ATM: variants seen among roughly 807,000 people sequenced by gnomAD.
ATM encodes the protein ATM serine/threonine kinase.
A neutral mutation model predicts 387.0 loss-of-function variants in ATM; 308 were observed. That is an observed-to-expected ratio of 0.80 (90% CI 0.73 to 0.87). The LOEUF (loss-of-function observed/expected upper bound fraction) is 0.87, where lower values mean the gene tolerates loss of function less well. ATM is among the 40% of genes least tolerant of loss of function. ATM has a pLI of 0.00. For missense variants in ATM, 3,312 were observed against 3,560.9 expected (o/e 0.93, Z 1.78); for synonymous variants, 1,156 against 1,187.3 (o/e 0.97, Z 0.54).
rs1060795 is a variant in ATM, at chr11:108,365,430, A to G, written c.9093A>G (p.Gln3031=). 1 of 1,614,234 alleles carries G rather than the reference A, an allele frequency of 6.2e-7. No homozygotes were observed. Among genetic ancestry groups the G allele is most frequent in the Non-Finnish European group, 8.5e-7 (1 of 1,180,040 alleles). ...EEGTVLSVGG[Q]VNLLIQQAID... is the part of the protein sequence containing the mutation. ...GCACTGTGCTCAGTGTTGGTGGACAAGTGAATTTGCTCATACAGCAGGCCA... is the reference window on the plus strand; with the variant it reads ...GCACTGTGCTCAGTGTTGGTGGACAGGTGAATTTGCTCATACAGCAGGCCA... Residue 3031 remains glutamine, a synonymous_variant, in exon 63 of 63, where the codon CAA becomes CAG. Transcript: ENST00000675843.
chr11:108,355,379 C>A (rs149694895), intron 61 of ATM: 1 of 173,722 alleles, frequency 5.8e-6, no homozygotes, highest in East Asian at 1.5e-4. Flanking sequence ...TGGGACAGCT[C>A]ACCTGAATAG....
At chr11:108,323,890 A>G (rs1033722290) in intron 45 of ATM, among the ~76,000 whole-genome samples, 3 of 152,194 alleles carry the variant, frequency 2.0e-5, no homozygotes, top group Non-Finnish European at 1.5e-5. Flanking sequence ...AAGCAGAGAT[A>G]AGAATTCATC....
chr11:108,353,930 C>T (rs1179853378), intron 60 of ATM, 50 bp downstream of exon 60: 1 of 1,519,302 alleles, frequency 6.6e-7, no homozygotes, highest in Non-Finnish European at 9.1e-7. Context: ...GTCAAAATTA[C>T]ATGGGCTGGG....
At chr11:108,321,221 C>CT (rs1044074566) in intron 44 of ATM, 80 bp from the exon 45 acceptor site, 1 of 1,580,516 alleles carries the variant, frequency 6.3e-7, no homozygotes, top group Non-Finnish European at 8.7e-7. Flanking sequence ...GATGAGAACT[C>CT]TTTAACAACA....
intron 46 of ATM, 35 bp downstream of exon 46, chr11:108,325,579 T>C: frequency 6.6e-7 from 1 of 1,508,650 alleles, no homozygotes; most frequent in Non-Finnish European, 9.1e-7. Flanking sequence ...ATCTTACCTC[T>C]TGACTTTCCT....
chr11:108,330,992 A>G (rs1161538938), intron 50 of ATM, among the ~76,000 whole-genome samples: 2 of 152,184 alleles, frequency 1.3e-5, no homozygotes, highest in African/African-American at 4.8e-5. Flanking sequence ...TTAGAGATAA[A>G]ATGTTTCTCC....
chr11:108,362,546 A>G (rs1274311434), intron 61 of ATM, among the ~76,000 whole-genome samples: 1 of 149,472 alleles, frequency 6.7e-6, no homozygotes, highest in African/African-American at 2.5e-5. Context: ...CTTGGAACCA[A>G]CCCAAATGTC....
At chr11:108,310,474 G>GAAT (rs1259990062) in intron 39 of ATM, among the ~76,000 whole-genome samples, 159 bp downstream of exon 39, 14 of 151,978 alleles carry the variant, frequency 9.2e-5, no homozygotes. Flanking sequence ...TTTTAAAAAG[G>GAAT]AATATGTAAT....
At chr11:108,290,630 T>G (rs2082731489) in intron 29 of ATM, 1 of 107,120 alleles carries the variant, frequency 9.3e-6, no homozygotes, top group African/African-American at 3.9e-5. Context: ...AGAGCGAGAC[T>G]CTTGTCTCAA....
At chr11:108,364,311 A>G (rs1488459834) in intron 61 of ATM, among the ~76,000 whole-genome samples, 1 of 152,202 alleles carries the variant, frequency 6.6e-6, no homozygotes, top group Non-Finnish European at 1.5e-5. Context: ...CATTTGCTAA[A>G]GCCTATTTTT....
chr11:108,262,149 C>T (rs1329440355), intron 16 of ATM, among the ~76,000 whole-genome samples: 8 of 152,126 alleles, frequency 5.3e-5, no homozygotes, highest in Non-Finnish European at 7.3e-5. Flanking sequence ...AAAGATACTC[C>T]TCGAGAAGAG....
In ATM at chr11:108,343,336, G is replaced by C. The variant is rs1565558417; in HGVS notation, c.8383G>C (p.Asp2795His). The C allele has an allele frequency of 6.2e-7, 1 of 1,613,998 alleles. No homozygotes were observed. Among genetic ancestry groups the C allele is most frequent in the Non-Finnish European group, 8.5e-7 (1 of 1,179,906 alleles). ...TGCTCATAAAAGATACAGGCCAAAT[G>C]ATTTCAGTGCCTTTCAGTGCCAAAA... Reference protein sequence around the residue: ...DGAHKRYRPNDFSAFQCQKKM... With the variant: ...DGAHKRYRPNHFSAFQCQKKM... Residue 2795 changes from aspartate (D) to histidine (H), a missense_variant, in exon 57 of 63, where the codon GAT becomes CAT. Physicochemically the swap from Asp to His is moderately conservative, Grantham distance 81. Around this residue, in one of 4 missense-constraint regions of ATM, gnomAD observed 1,405 missense variants for 1,604.4 expected, o/e 0.88. Coordinates refer to ENST00000675843, the MANE Select transcript of ATM (RefSeq NM_000051.4).
intron 16 of ATM, among the ~76,000 whole-genome samples, chr11:108,264,076 T>G (rs1591573001): frequency 6.6e-6 from 1 of 151,394 alleles, no homozygotes; most frequent in African/African-American, 2.4e-5. Flanking sequence ...GTACCATTCC[T>G]TCTGAAACTA....
rs1057521506 is a variant in ATM, at chr11:108,335,955, T to G, written c.8262T>G (p.Thr2754=). The stretch of plus-strand genomic sequence containing the variant: ...GGAAGAGGAAATTAACTATCTGTAC[T>G]TATAAGGTAACTATTTGTACTTCTG... ...ETRKRKLTIC[T]YKVVPLSQRS... Residue 2754 remains threonine (T), a synonymous_variant, in exon 56 of 63, where the codon ACT becomes ACG. Transcript: ENST00000675843. 1 of 1,602,216 alleles carries G rather than the reference T, an allele frequency of 6.2e-7. No homozygotes were observed. The highest frequency in any genetic ancestry group is 1.7e-5 in the Admixed American group (1 of 59,996).
In ATM at chr11:108,249,032, A is replaced by G. The variant is rs1060501704; in HGVS notation, c.1165A>G (p.Ile389Val). Residue 389 changes from isoleucine to valine, a missense_variant, in exon 9 of 63, where the codon ATA (isoleucine) becomes GTA (valine). By Grantham distance (29) the Ile-to-Val change is conservative. Coordinates refer to ENST00000675843, the MANE Select transcript of ATM (RefSeq NM_000051.4). ...CAGTGTCCCTTGCAAAAGGAAGAAA[A>G]TAGAACTAGGCTGGGAAGTAATAAA... Reference protein sequence around the residue: ...DYSVPCKRKKIELGWEVIKDH... With the variant: ...DYSVPCKRKKVELGWEVIKDH... 1 of 1,614,112 alleles carries G rather than the reference A, an allele frequency of 6.2e-7. No individual in the cohort carries two copies. Among genetic ancestry groups the G allele is most frequent in the Non-Finnish European group, 8.5e-7 (1 of 1,179,976 alleles).
rs1266811647 is a variant in ATM, at chr11:108,282,858, C to G, written c.3725C>G (p.Thr1242Arg). ...TTTCCTTTTATTTTATTAAACTACA[C>G]AAATATTGAGGATTTCTATAGGTAA... Reference protein sequence around the residue: ...SSFPFILLNYTNIEDFYRSCY... With the variant: ...SSFPFILLNYRNIEDFYRSCY... Residue 1242 changes from threonine (T) to arginine (R), a missense_variant, in exon 25 of 63, where the codon ACA becomes AGA. Thr to Arg is a moderately conservative substitution (Grantham distance 71). Transcript: ENST00000675843. 1.3e-6 allele frequency: 2 copies of G among 1,509,972 alleles called. No individual in the cohort carries two copies. The highest frequency in any genetic ancestry group is 9.2e-7 in the Non-Finnish European group (1 of 1,089,306). The allele number at this position is 1,509,972 out of a possible 1,614,324, so 93.5% of individuals were successfully genotyped here. A position where few individuals can be genotyped will look rare whatever the true frequency, so the allele number is the denominator to read the frequency against.
intron 26 of ATM, 45 bp from the exon 27 acceptor site, chr11:108,287,554 CA>C: frequency 7.8e-7 from 1 of 1,283,058 alleles, no homozygotes; most frequent in Non-Finnish European, 1.1e-6. Flanking sequence ...TCTTGACGTT[CA>C]CAGATATAAA....
chr11:108,291,036 C>G (rs1470760527), intron 29 of ATM, among the ~76,000 whole-genome samples: 1 of 151,830 alleles, frequency 6.6e-6, no homozygotes, highest in East Asian at 1.9e-4. Context: ...GAGATCGAGA[C>G]CATCCTGGCT....
chr11:108,321,146 G>T (rs2085175847), intron 44 of ATM, among the ~76,000 whole-genome samples, 155 bp from the exon 45 acceptor site: 1 of 152,114 alleles, frequency 6.6e-6, no homozygotes, highest in Admixed American at 6.5e-5. Context: ...GTTGTATTTT[G>T]TTTCCACTGC....
Sources: allele counts gnomAD v4.1 joint callset (sites outside exome capture counted in the v4.1 genomes callset), GRCh38; gene constraint gnomAD v4.1.1; regional missense constraint gnomAD v4.1.1; transcripts MANE v1.5; gene names NCBI Gene and HGNC (gene_info 2026-07-23, HGNC 2026-07-21).